Variants in RGS6 observed in about 807,000 individuals in gnomAD.
RGS6 encodes regulator of G-protein signaling 6.
In RGS6, 30 loss-of-function variants were observed where a neutral mutation model predicts 78.5. That is an observed-to-expected ratio of 0.38 (90% confidence interval 0.29 to 0.52). The LOEUF (loss-of-function observed/expected upper bound fraction) is 0.52, where lower values mean the gene tolerates loss of function less well. RGS6 is among the 20% of genes least tolerant of loss of function. The pLI, the probability that RGS6 is intolerant of heterozygous loss-of-function variation, is 0.85. For missense variants in RGS6, 495 were observed against 609.7 expected (o/e 0.81, Z 1.98); for synonymous variants, 206 against 206.0 (o/e 1.00, Z 0.00).
At chr14:72,503,572 AAGAGAG>A (rs10602454) in intron 13 of RGS6, among the ~76,000 whole-genome samples, 6 of 150,582 alleles carry the variant, frequency 4.0e-5, no homozygotes, top group Admixed American at 1.3e-4. Context: ...TTCATTCAAA[AAGAGAG>A]AGAGAGAGAG....
intron 12 of RGS6, among the ~76,000 whole-genome samples, chr14:72,489,689 A>C (rs764406517): frequency 8.6e-5 from 13 of 151,644 alleles, no homozygotes; most frequent in African/African-American, 1.2e-4. Flanking sequence ...GCCTGGAGCC[A>C]CCAGAAACTG....
chr14:72,501,230 G>T (rs566076223), intron 13 of RGS6, among the ~76,000 whole-genome samples: 39 of 152,146 alleles, frequency 2.6e-4, no homozygotes, highest in Admixed American at 4.6e-4. Context: ...GCCGTGGGGA[G>T]GTTACAGACA....
At chr14:72,504,921 ATTTTTTTTTTTTTTTT>A (rs34953560) in intron 13 of RGS6, among the ~76,000 whole-genome samples, 2 of 76,074 alleles carry the variant, frequency 2.6e-5, no homozygotes. Context: ...CGCCCAGCTA[ATTTTTTTTTTTTTTTT>A]TTTTTTTTTT....
chr14:72,587,406 C>A, the RGS6 span, among the ~76,000 whole-genome samples: 1 of 151,936 alleles, frequency 6.6e-6, no homozygotes, highest in African/African-American at 2.4e-5. Context: ...TCACCTCGCC[C>A]CTTGTTTCAG....
Position 72,456,353 on chromosome 14 carries a change from C to T in RGS6, c.235+1775C>T, listed in dbSNP as rs137938471. Among the ~76,000 whole-genome samples the T allele has an allele frequency of 8.2e-3, 1,246 of 152,334 alleles. 7 individuals carry two copies. The highest frequency in any genetic ancestry group is 0.012 in the Non-Finnish European group (811 of 68,032). ...TCACCCAGGCTAGAGTGCAGTGGCA[C>T]GAGCATAGCTCACTGCAGCCTTGAC... On this transcript the variant is annotated intron_variant, in intron 4 of 17. Transcript: ENST00000553525.
chr14:71,954,071 G>A (rs1254796022), intron 1 of RGS6, among the ~76,000 whole-genome samples: 2 of 146,282 alleles, frequency 1.4e-5, no homozygotes, highest in African/African-American at 5.0e-5. Flanking sequence ...TATAGGTAAG[G>A]AATCTGGCTT....
chr14:71,942,491 C>CTA (rs2090770575), intron 1 of RGS6, among the ~76,000 whole-genome samples: 1 of 152,100 alleles, frequency 6.6e-6, no homozygotes, highest in African/African-American at 2.4e-5. Context: ...TACCACCATT[C>CTA]TATAAGATAG....
the RGS6 span, among the ~76,000 whole-genome samples, chr14:72,574,722 T>G: frequency 6.6e-6 from 1 of 152,084 alleles, no homozygotes; most frequent in African/African-American, 2.4e-5. Flanking sequence ...AAAGGGAAAC[T>G]CATTTGCCCT....
At chr14:72,512,614 C>A (rs149723322) in intron 14 of RGS6, among the ~76,000 whole-genome samples, 52 of 152,314 alleles carry the variant, frequency 3.4e-4, no homozygotes, top group African/African-American at 1.2e-3. Context: ...TGCTCCATGA[C>A]AGGAAAGGAA....
At chr14:72,363,762 A>G (rs2081945393) in intron 3 of RGS6, among the ~76,000 whole-genome samples, 1 of 152,188 alleles carries the variant, frequency 6.6e-6, no homozygotes, top group African/African-American at 2.4e-5. Context: ...GGCCTCTATT[A>G]CAGTGATCTA....
Position 72,223,469 on chromosome 14 carries a change from A to T in RGS6, c.85-128626A>T, listed in dbSNP as rs17109295. Among the ~76,000 whole-genome samples, 795 of 152,334 alleles carry T rather than the reference A, an allele frequency of 5.2e-3. 8 individuals carry two copies. Among genetic ancestry groups the T allele is most frequent in the African/African-American group, 0.018 (762 of 41,586 alleles). On this transcript the variant is annotated intron_variant, in intron 2 of 17. Coordinates refer to ENST00000553525, the MANE Select transcript of RGS6 (RefSeq NM_001204424.2). ...TCTGCCAGTGATAAGGTTGTGAACAAATCTGTTGGTGTTCAACTTCTAATT... is the reference window on the plus strand; with the variant it reads ...TCTGCCAGTGATAAGGTTGTGAACATATCTGTTGGTGTTCAACTTCTAATT...
intron 2 of RGS6, among the ~76,000 whole-genome samples, chr14:72,312,261 T>A (rs1242275366): frequency 6.6e-6 from 1 of 151,104 alleles, no homozygotes; most frequent in Non-Finnish European, 1.5e-5. Flanking sequence ...AGCCCTAATT[T>A]TCCCTGGCAA....
chr14:71,890,214 G>T, the RGS6 span, among the ~76,000 whole-genome samples: 1 of 152,176 alleles, frequency 6.6e-6, no homozygotes, highest in African/African-American at 2.4e-5. Flanking sequence ...GATTTGGTCA[G>T]CCTGACTCAT....
At chr14:72,474,466 A>C (rs2096180068) in intron 9 of RGS6, among the ~76,000 whole-genome samples, 159 bp from the exon 10 acceptor site, 1 of 152,096 alleles carries the variant, frequency 6.6e-6, no homozygotes, top group South Asian at 2.1e-4. Flanking sequence ...TCGTATGGGA[A>C]CTCCACAGAG....
intron 2 of RGS6, among the ~76,000 whole-genome samples, chr14:72,156,109 C>T (rs527828513): frequency 7.9e-5 from 12 of 152,302 alleles, no homozygotes; most frequent in African/African-American, 2.9e-4. Context: ...GGTGGCCTTG[C>T]AAACCGGGGT....
chr14:71,911,139 A>T, the RGS6 span, among the ~76,000 whole-genome samples: 1 of 152,192 alleles, frequency 6.6e-6, no homozygotes, highest in Non-Finnish European at 1.5e-5. Context: ...TAACTTATTA[A>T]TAGGCAGAGT....
rs34086688 is a variant in RGS6 at position 72,060,371 on chromosome 14, C to CTTTT, written c.84+95507_84+95510dup. ...TTGTCCCCTGCGCCACCCCTCCCAC[C>CTTTT]TTTTTTTTTTTTTTGCTGTGGTTCA... On this transcript the variant is annotated intron_variant, in intron 2 of 17. Coordinates refer to ENST00000553525, the MANE Select transcript of RGS6 (RefSeq NM_001204424.2). Among the ~76,000 whole-genome samples the CTTTT allele has an allele frequency of 1.2e-4, 16 of 136,964 alleles. 1 individual carries two copies. The East Asian group carries it at 1.3e-3, about 11-fold the overall frequency. The allele number at this position is 136,964 out of a possible 152,430, so 89.9% of individuals were successfully genotyped here.
chr14:72,567,498 A>G (rs879821422), downstream of RGS6, among the ~76,000 whole-genome samples: 3 of 152,204 alleles, frequency 2.0e-5, no homozygotes, highest in Admixed American at 1.3e-4. Context: ...CAGGTCCAGA[A>G]TCAAGATGGA....
At chr14:72,020,009 T>A (rs980027687) in intron 2 of RGS6, among the ~76,000 whole-genome samples, 3 of 152,064 alleles carry the variant, frequency 2.0e-5, no homozygotes, top group Admixed American at 2.0e-4. Context: ...CGGGGAGAGG[T>A]TGAGAAGTGG....
Sources: allele counts gnomAD v4.1 joint callset (sites outside exome capture counted in the v4.1 genomes callset), GRCh38; gene constraint gnomAD v4.1.1; transcripts MANE v1.5; gene names NCBI Gene and HGNC (gene_info 2026-07-23, HGNC 2026-07-21).